The following MIPOL1 variants were observed in gnomAD, a reference collection of about 807,000 sequenced individuals.
MIPOL1 encodes mirror-image polydactyly 1.
In MIPOL1, 57 loss-of-function variants were observed where a neutral mutation model predicts 60.9. That is an observed-to-expected ratio of 0.94 (90% CI 0.76 to 1.17). The LOEUF (loss-of-function observed/expected upper bound fraction) is 1.17. MIPOL1 is among the 50% of genes most tolerant of loss of function. MIPOL1 has a pLI of 0.00. For missense variants in MIPOL1, 551 were observed against 511.6 expected, an observed-to-expected ratio of 1.08 and a Z score of -0.74; for synonymous variants, 179 against 168.8, an observed-to-expected ratio of 1.06 and a Z score of -0.47.
At chr14:37,443,008 T>G (rs2094274842) in intron 11 of MIPOL1, among the ~76,000 whole-genome samples, 2 of 152,110 alleles carry the variant, frequency 1.3e-5, no homozygotes, top group African/African-American at 2.4e-5. Flanking sequence ...AAATCCAGAA[T>G]AGCCAAACTG....
chr14:37,326,456 T>C (rs2089171290), intron 9 of MIPOL1, among the ~76,000 whole-genome samples: 1 of 152,092 alleles, frequency 6.6e-6, no homozygotes, highest in African/African-American at 2.4e-5. Flanking sequence ...GGCAGATCCA[T>C]ATCCAGAGGA....
chr14:37,470,579 C>T (rs992067738), intron 11 of MIPOL1, among the ~76,000 whole-genome samples: 2 of 152,128 alleles, frequency 1.3e-5, no homozygotes, highest in Non-Finnish European at 2.9e-5. Flanking sequence ...GAGGCCTCCC[C>T]AGCCATGCTT....
chr14:37,367,951 C>T lies in MIPOL1; in HGVS notation c.829-1566C>T, dbSNP rs1310637371. On this transcript the variant is annotated intron_variant, in intron 9 of 12. Transcript: ENST00000684589. ...TTACTGGCTATAAAAGACAGAGACA[C>T]AGTTTAATATGTAGATCATGTGTCT... Among the ~76,000 whole-genome samples, 4 of 152,084 alleles carry T rather than the reference C, an allele frequency of 2.6e-5. No individual in the cohort carries two copies. In the South Asian group the frequency reaches 8.3e-4, roughly 32 times the overall value.
intron 12 of MIPOL1, among the ~76,000 whole-genome samples, chr14:37,513,036 A>C (rs191615965): frequency 6.6e-6 from 1 of 152,278 alleles, no homozygotes; most frequent in African/African-American, 2.4e-5. Context: ...TTCTAAATCT[A>C]ATTAGAGATA....
intron 11 of MIPOL1, among the ~76,000 whole-genome samples, chr14:37,439,836 T>A (rs568205262): frequency 6.6e-6 from 1 of 152,284 alleles, no homozygotes; most frequent in East Asian, 1.9e-4. Context: ...TTAAAAACAA[T>A]TTAACAATAA....
At chr14:37,286,691 T>A (rs949697930) in intron 7 of MIPOL1, among the ~76,000 whole-genome samples, 1 of 152,160 alleles carries the variant, frequency 6.6e-6, no homozygotes, top group Non-Finnish European at 1.5e-5. Flanking sequence ...TTAGGTAATA[T>A]TTGTTTTTTG....
intron 1 of MIPOL1, among the ~76,000 whole-genome samples, chr14:37,205,057 A>T (rs755866205): frequency 1.1e-4 from 17 of 152,052 alleles, no homozygotes; most frequent in Non-Finnish European, 1.9e-4. Flanking sequence ...AGATTTGTCG[A>T]ACTTTGAACT....
intron 10 of MIPOL1, among the ~76,000 whole-genome samples, chr14:37,394,084 A>ATATATATCTC (rs1491106712): frequency 7.4e-6 from 1 of 134,662 alleles, no homozygotes. Context: ...ATATATATAT[A>ATATATATCTC]TCTCCATGTT....
At chr14:37,458,038 TATATC>T (rs903667724) in intron 11 of MIPOL1, among the ~76,000 whole-genome samples, 2 of 151,982 alleles carry the variant, frequency 1.3e-5, no homozygotes, top group African/African-American at 2.4e-5. Context: ...TAGCTATACT[TATATC>T]AGATAAAACA....
chr14:37,455,392 A>G (rs903011561), intron 11 of MIPOL1, among the ~76,000 whole-genome samples: 1 of 152,068 alleles, frequency 6.6e-6, no homozygotes, highest in Non-Finnish European at 1.5e-5. Flanking sequence ...CTTGACTGCC[A>G]TTTACCTTAA....
chr14:37,265,546 A>G (rs1357339973), intron 3 of MIPOL1, among the ~76,000 whole-genome samples: 1 of 152,208 alleles, frequency 6.6e-6, no homozygotes, highest in Non-Finnish European at 1.5e-5. Context: ...CAAATGTTTG[A>G]ATACTAATAT....
intron 3 of MIPOL1, among the ~76,000 whole-genome samples, chr14:37,248,454 T>C (rs1330383051): frequency 2.0e-5 from 3 of 151,140 alleles, no homozygotes; most frequent in Admixed American, 6.6e-5. Flanking sequence ...GACAGATGTA[T>C]AGTGAGGGAC....
intron 1 of MIPOL1, among the ~76,000 whole-genome samples, chr14:37,198,863 C>G (rs1964770467): frequency 6.6e-6 from 1 of 152,120 alleles, no homozygotes; most frequent in Non-Finnish European, 1.5e-5. Context: ...CTTGAATATA[C>G]TATCACAAAT....
At chr14:37,534,689 A>G (rs2095498011) in intron 12 of MIPOL1, among the ~76,000 whole-genome samples, 1 of 152,164 alleles carries the variant, frequency 6.6e-6, no homozygotes, top group African/African-American at 2.4e-5. Context: ...GCCCAATAAA[A>G]TTGTAACTTA....
intron 9 of MIPOL1, among the ~76,000 whole-genome samples, chr14:37,340,000 C>G (rs2090450012): frequency 6.6e-6 from 1 of 152,124 alleles, no homozygotes; most frequent in South Asian, 2.1e-4. Flanking sequence ...TGAAATAAAA[C>G]CCCTATAAAA....
chr14:37,354,122 G>A (rs1053237845), intron 9 of MIPOL1, among the ~76,000 whole-genome samples: 1 of 150,956 alleles, frequency 6.6e-6, no homozygotes, highest in African/African-American at 2.4e-5. Flanking sequence ...GTTCTCGTTG[G>A]TTTCAAAGAA....
At position 37,537,689 on chromosome 14, in the gene MIPOL1, G is replaced by A. The variant is rs79086338; in HGVS notation, c.1263-9216G>A. 4.3e-3 allele frequency among the ~76,000 whole-genome samples: 660 copies of A among 152,244 alleles called. 11 individuals carry two copies. Among genetic ancestry groups the A allele is most frequent in the African/African-American group, 0.015 (638 of 41,556 alleles). ...CAAACACAGCATTGTTAGGTTGGTA[G>A]TATTTTGGAATTCACGATTTGGCTT... On this transcript the variant is annotated intron_variant, in intron 12 of 12. Coordinates refer to ENST00000684589, the MANE Select transcript of MIPOL1 (RefSeq NM_001388067.1).
In MIPOL1 at chr14:37,232,122, T is replaced by C. The variant is rs549352807; in HGVS notation, c.-198-14981T>C. 2.0e-3 allele frequency among the ~76,000 whole-genome samples: 306 copies of C among 152,222 alleles called. 1 individual carries two copies. Among genetic ancestry groups the C allele is most frequent in the African/African-American group, 7.2e-3 (301 of 41,534 alleles). On this transcript the variant is annotated intron_variant, in intron 1 of 12. Coordinates refer to ENST00000684589, the MANE Select transcript of MIPOL1 (RefSeq NM_001388067.1). ...TAAAAAATAAAAAATATTTTATTAT[T>C]GTTTGGCATATAAATCATGCTTGAC...
chr14:37,384,544 A>G (rs1287927398), intron 10 of MIPOL1, among the ~76,000 whole-genome samples: 1 of 152,056 alleles, frequency 6.6e-6, no homozygotes, highest in Non-Finnish European at 1.5e-5. Flanking sequence ...AAATATACAA[A>G]CAAGTGTGAT....
Sources: allele counts gnomAD v4.1 joint callset (sites outside exome capture counted in the v4.1 genomes callset), GRCh38; gene constraint gnomAD v4.1.1; transcripts MANE v1.5; gene names NCBI Gene and HGNC (gene_info 2026-07-23, HGNC 2026-07-21).